Variants in KCNQ4 observed in about 807,000 individuals in gnomAD.
KCNQ4 encodes the protein potassium voltage-gated channel subfamily Q member 4.
KCNQ4 carries 31 observed loss-of-function variants against 72.6 expected under a neutral mutation model. That is an observed-to-expected ratio of 0.43 (90% CI 0.32 to 0.58). The LOEUF (loss-of-function observed/expected upper bound fraction) is 0.58, where lower values mean the gene tolerates loss of function less well. Ranked by LOEUF, KCNQ4 falls within the 20% of genes least tolerant of loss-of-function variation. The probability of loss-of-function intolerance (pLI) is 0.08; values close to 1 mark genes in which losing one functional copy is unlikely to be tolerated. For synonymous variants in KCNQ4, 405 were observed against 403.7 expected (o/e 1.00, Z -0.04); for missense variants, 869 against 962.6 (o/e 0.90, Z 1.29).
chr1:40,827,095 G>A (rs972853413), intron 9 of KCNQ4, among the ~76,000 whole-genome samples: 1 of 152,190 alleles, frequency 6.6e-6, no homozygotes, highest in African/African-American at 2.4e-5. Context: ...CCCACCTGGG[G>A]ACCTAGCAGA....
chr1:40,807,703 G>A (rs913814244), intron 1 of KCNQ4, among the ~76,000 whole-genome samples: 2 of 152,296 alleles, frequency 1.3e-5, no homozygotes, highest in Middle Eastern at 3.4e-3. Context: ...TATCAGCTCC[G>A]GTTTGGGGTT....
chr1:40,819,320 C>T (rs765505217), intron 4 of KCNQ4, 27 bp from the exon 5 acceptor site: 2 of 1,613,282 alleles, frequency 1.2e-6, no homozygotes, highest in Non-Finnish European at 1.7e-6. Flanking sequence ...CAGCGCTCCT[C>T]ACCGCGCCCC....
At chr1:40,824,339 TG>T (rs1648410885) in intron 9 of KCNQ4, 81 bp downstream of exon 9, 1 of 1,473,254 alleles carries the variant, frequency 6.8e-7, no homozygotes, top group East Asian at 2.4e-5. Flanking sequence ...CTCTCAGACC[TG>T]CCTTCAGCCA....
At chr1:40,785,302 C>T (rs76449091) in intron 1 of KCNQ4, among the ~76,000 whole-genome samples, 1,882 of 152,326 alleles carry the variant, frequency 0.012, 39 homozygotes, top group African/African-American at 0.044. Flanking sequence ...CCTGGCCCAG[C>T]CAGGAACATG....
intron 9 of KCNQ4, among the ~76,000 whole-genome samples, chr1:40,825,536 G>A (rs1343188771): frequency 2.0e-5 from 3 of 151,838 alleles, no homozygotes; most frequent in East Asian, 1.9e-4. Context: ...TTCTGGGCCA[G>A]GGGCTGAACA....
intron 9 of KCNQ4, among the ~76,000 whole-genome samples, 169 bp downstream of exon 9, chr1:40,824,427 C>G (rs1029033892): frequency 2.0e-5 from 3 of 152,238 alleles, no homozygotes; most frequent in African/African-American, 7.2e-5. Flanking sequence ...GAGGGCCTCT[C>G]TGGAGGGGTC....
chr1:40,822,255 C>A (rs1648320568), intron 7 of KCNQ4, 59 bp from the exon 8 acceptor site: 9 of 1,374,358 alleles, frequency 6.5e-6, no homozygotes, highest in Non-Finnish European at 9.3e-6. Flanking sequence ...GGGGAGAGGG[C>A]TGGTGGGGAC....
intron 1 of KCNQ4, among the ~76,000 whole-genome samples, chr1:40,804,218 G>A (rs1401317723): frequency 2.0e-5 from 3 of 152,220 alleles, no homozygotes; most frequent in Non-Finnish European, 4.4e-5. Context: ...GGAAGGGCAG[G>A]GGCAGGTCCC....
At chr1:40,825,092 T>C (rs1387682530) in intron 9 of KCNQ4, among the ~76,000 whole-genome samples, 1 of 152,246 alleles carries the variant, frequency 6.6e-6, no homozygotes, top group African/African-American at 2.4e-5. Flanking sequence ...GGAAAGTGGC[T>C]GCTCTTGTAG....
intron 13 of KCNQ4, 120 bp downstream of exon 13, chr1:40,837,914 C>T (rs1648852651): frequency 2.2e-6 from 3 of 1,376,214 alleles, no homozygotes; most frequent in Non-Finnish European, 2.0e-6. Flanking sequence ...GACCTAAGAG[C>T]CCCCTCCCCG....
At chr1:40,801,138 G>C (rs2148303236) in intron 1 of KCNQ4, among the ~76,000 whole-genome samples, 1 of 152,094 alleles carries the variant, frequency 6.6e-6, no homozygotes, top group East Asian at 1.9e-4. Flanking sequence ...GTGGGGATAG[G>C]GGGCTGGAAT....
rs3767940 is a variant in KCNQ4 at position 40,824,321 on chromosome 1, T to C, written c.1292+63T>C. ...TCCTCCTCTTCTTCCATTCTCTGTC[T>C]TCATCCTCTCTCAGACCTGCCTTCA... is the stretch of plus-strand genomic sequence containing the variant. On this transcript the variant is annotated intron_variant, in intron 9 of 13. Transcript: ENST00000347132. 0.31 allele frequency: 473,778 copies of C among 1,534,560 alleles called. 75,585 individuals are homozygous for C. Among genetic ancestry groups the C allele is most frequent in the East Asian group, 0.44 (18,415 of 41,830 alleles).
rs921762345 is a variant in KCNQ4 at position 40,825,271 on chromosome 1, T to C, written c.1292+1013T>C. ...TGAGCCCCAGGCCCAGAACAAAGAA[T>C]AGGAGAAGAGGCGAGCCGCCCAGTG... On this transcript the variant is annotated intron_variant, in intron 9 of 13. Coordinates refer to ENST00000347132, the MANE Select transcript of KCNQ4 (RefSeq NM_004700.4). Among the ~76,000 whole-genome samples the C allele has an allele frequency of 1.9e-4, 29 of 152,236 alleles. 1 individual carries two copies. Among genetic ancestry groups the C allele is most frequent in the African/African-American group, 7.0e-4 (29 of 41,552 alleles).
intron 9 of KCNQ4, among the ~76,000 whole-genome samples, chr1:40,825,819 C>T (rs1389531061): frequency 6.6e-6 from 1 of 152,144 alleles, no homozygotes; most frequent in African/African-American, 2.4e-5. Context: ...AATAGGAAGG[C>T]AAGGGGAATG....
Position 40,817,195 on chromosome 1 carries a change from C to A in KCNQ4, c.315-70C>A. 7.9e-7 allele frequency: 1 copy of A among 1,268,488 alleles called. No individual in the cohort carries two copies. The highest frequency in any genetic ancestry group is 2.4e-5 in the East Asian group (1 of 42,384). 78.6% of individuals were successfully genotyped at this position (1,268,488 alleles called of 1,614,324 possible). Reference sequence around the variant, plus strand: ...TTCTCCTCTCTTGGCTCTGTAACCCCCTGCCAGGGGCACCTTGGCTGTCCT... The same window carrying A: ...TTCTCCTCTCTTGGCTCTGTAACCCACTGCCAGGGGCACCTTGGCTGTCCT... On this transcript the variant is annotated intron_variant, in intron 1 of 13. Coordinates refer to ENST00000347132, the MANE Select transcript of KCNQ4 (RefSeq NM_004700.4). This position sits in a 1 kb window ranked among gnomAD's most constrained non-coding sequence, Gnocchi z 5.5.
intron 1 of KCNQ4, among the ~76,000 whole-genome samples, chr1:40,795,284 CAG>C (rs1396817105): frequency 8.1e-6 from 1 of 123,210 alleles, no homozygotes; most frequent in African/African-American, 3.0e-5. Flanking sequence ...CCTTTTGAGA[CAG>C]AGTCTTACTC....
rs777429489 is a variant in KCNQ4, at chr1:40,838,501, C to G, written c.2066C>G (p.Ser689Trp). The G allele has an allele frequency of 7.4e-6, 12 of 1,614,010 alleles. No individual in the cohort carries two copies. Among genetic ancestry groups the G allele is most frequent in the African/African-American group, 2.7e-5 (2 of 74,940 alleles). Residue 689 changes from serine (S) to tryptophan (W), a missense_variant, in exon 14 of 14, where the codon TCG becomes TGG. By Grantham distance (177) the Ser-to-Trp change is radical (BLOSUM62 -3). Transcript: ENST00000347132. ...GCACAGACGCTCAGCATCTCCCGCTCGGTCAGCACCAACATGGACTGAGGG... is the reference window on the plus strand; with the variant it reads ...GCACAGACGCTCAGCATCTCCCGCTGGGTCAGCACCAACATGGACTGAGGG... The part of the protein sequence containing the change: ...VSAQTLSISR[S>W]VSTNMD
intron 12 of KCNQ4, among the ~76,000 whole-genome samples, chr1:40,835,522 C>A (rs941120377): frequency 3.3e-5 from 5 of 152,222 alleles, no homozygotes; most frequent in African/African-American, 1.2e-4. Context: ...AGAATCCTCA[C>A]CCCAAGACCC....
chr1:40,801,839 C>T (rs1163137085), intron 1 of KCNQ4, among the ~76,000 whole-genome samples: 3 of 152,214 alleles, frequency 2.0e-5, no homozygotes, highest in Non-Finnish European at 4.4e-5. Flanking sequence ...AGGACCTGGG[C>T]TCAGGCCTAG....
Sources: gnomAD v4.1 joint callset for allele counts (sites outside exome capture counted in the v4.1 genomes callset) on GRCh38, gnomAD v4.1.1 for gene constraint, Gnocchi (gnomAD v3.1) non-coding constraint, MANE v1.5 for transcripts, NCBI Gene and HGNC (gene_info 2026-07-23, HGNC 2026-07-21) for gene names.